C1orf174: variants seen among roughly 807,000 people sequenced by gnomAD.
C1orf174 encodes the protein chromosome 1 open reading frame 174.
In C1orf174, 13 loss-of-function variants were observed where a neutral mutation model predicts 18.4. The observed-to-expected ratio is 0.71, with a 90% confidence interval of 0.46 to 1.12. The LOEUF (loss-of-function observed/expected upper bound fraction) is 1.12. C1orf174 is among the 50% of genes most tolerant of loss of function. The pLI is 0.00. For missense variants in C1orf174, 309 were observed against 308.0 expected (o/e 1.00, Z -0.02); for synonymous variants, 100 against 118.3 (o/e 0.85, Z 1.01).
At chr1:3,892,747 A>T (rs935909295) in intron 2 of C1orf174, 136 bp downstream of exon 2, 11 of 1,473,684 alleles carry the variant, frequency 7.5e-6, no homozygotes, top group Non-Finnish European at 9.0e-6. Context: ...TCACCTTTTC[A>T]TCTGCAATAG....
intron 1 of C1orf174, 85 bp from the exon 2 acceptor site, chr1:3,893,081 C>G (rs920816415): frequency 1.4e-6 from 2 of 1,405,064 alleles, no homozygotes; most frequent in African/African-American, 2.9e-5. Context: ...TAAAGAACAC[C>G]CGAAGACCGC....
At position 3,890,842 on chromosome 1, in the gene C1orf174, C is replaced by A. The variant is rs201743420; in HGVS notation, c.345G>T (p.Gly115=). 1.2e-6 allele frequency: 2 copies of A among 1,613,524 alleles called. No individual in the cohort carries two copies. Among genetic ancestry groups the A allele is most frequent in the East Asian group, 2.2e-5 (1 of 44,878 alleles). Residue 115 remains glycine (G), a synonymous_variant, in exon 3 of 4, where the codon GGG becomes GGT. Coordinates refer to ENST00000361605, the MANE Select transcript of C1orf174 (RefSeq NM_207356.3). ...AGCCACCGAGAGGAAGACTTGCAGC[C>A]CCCTGCTGCACAGAAACGCCAGCCT... ...GSEAGVSVQQ[G]AASLPLGGCR... is the part of the protein sequence containing the mutation.
Position 3,898,043 on chromosome 1 carries a change from C to G in C1orf174, c.15+2129G>C, listed in dbSNP as rs74702268. 8.2e-3 allele frequency among the ~76,000 whole-genome samples: 1,252 copies of G among 152,208 alleles called. 8 individuals carry two copies. Among genetic ancestry groups the G allele is most frequent in the Non-Finnish European group, 0.013 (902 of 68,024 alleles). ...CCACAGACACATCACTGTAAAAATA[C>G]AAAGATCAAAGGCAAAATCTTGAAA... On this transcript the variant is annotated intron_variant, in intron 1 of 3. Coordinates refer to ENST00000361605, the MANE Select transcript of C1orf174 (RefSeq NM_207356.3).
intron 2 of C1orf174, chr1:3,891,976 G>T: frequency 1.4e-5 from 1 of 69,196 alleles, no homozygotes; most frequent in East Asian, 5.0e-4. Context: ...ACACACACGG[G>T]TGGGCGGGTG....
chr1:3,900,270 C>CGCG lies in C1orf174; in HGVS notation c.-85_-84insCGC. The stretch of plus-strand genomic sequence containing the variant: ...GCGACCCGGAGTCTGCAGAGCGCGC[C>CGCG]GCGGCGGCGTCCGACGTCAGCACAG... On this transcript the variant is annotated 5_prime_UTR_variant, in exon 1 of 4. Transcript: ENST00000361605. The CGCG allele has an allele frequency of 7.0e-7, 1 of 1,438,024 alleles. No homozygotes were observed. The highest frequency in any genetic ancestry group is 9.1e-7 in the Non-Finnish European group (1 of 1,104,908). 89.1% of individuals were successfully genotyped at this position (1,438,024 alleles called of 1,614,324 possible).
intron 1 of C1orf174, among the ~76,000 whole-genome samples, chr1:3,894,855 G>C (rs1005472809): frequency 6.6e-6 from 1 of 152,198 alleles, no homozygotes; most frequent in African/African-American, 2.4e-5. Context: ...CACACCGGGG[G>C]CTGCGCCTCC....
chr1:3,890,725 G>A lies in C1orf174; in HGVS notation c.462C>T (p.Asn154=), dbSNP rs777179600. The part of the protein sequence containing the change: ...HSAGSGAEES[N]SSSTVQKQNE... ...TCTGCTTCTGCACAGTGGAGCTGCT[G>A]TTGGATTCTTCTGCTCCGGACCCGG... The change falls in exon 3 of 4, where the codon AAC becomes AAT. Residue 154 remains asparagine, a synonymous_variant. Coordinates refer to ENST00000361605, the MANE Select transcript of C1orf174 (RefSeq NM_207356.3). The A allele has an allele frequency of 2.5e-6, 4 of 1,614,128 alleles. No individual in the cohort carries two copies. Among genetic ancestry groups the A allele is most frequent in the East Asian group, 4.5e-5 (2 of 44,868 alleles).
chr1:3,891,191 T>C, intron 2 of C1orf174, 134 bp from the exon 3 acceptor site: 1 of 1,191,950 alleles, frequency 8.4e-7, no homozygotes, highest in Non-Finnish European at 1.2e-6. Flanking sequence ...AGATCGTCAT[T>C]TCACTGTTTT....
chr1:3,896,595 A>G (rs748518154), intron 1 of C1orf174, among the ~76,000 whole-genome samples: 7 of 152,238 alleles, frequency 4.6e-5, no homozygotes, highest in African/African-American at 1.7e-4. Context: ...GGAGCTGTTC[A>G]AGTACCGTGG....
intron 1 of C1orf174, among the ~76,000 whole-genome samples, chr1:3,899,295 G>GCA (rs1197343552): frequency 6.6e-6 from 1 of 152,200 alleles, no homozygotes; most frequent in Admixed American, 6.5e-5. Context: ...GTGCCTACAG[G>GCA]AGACAAGTTT....
At chr1:3,890,422 T>A in intron 3 of C1orf174, 147 bp downstream of exon 3, 1 of 1,187,838 alleles carries the variant, frequency 8.4e-7, no homozygotes, top group Non-Finnish European at 1.2e-6. Context: ...AGCCAACGGT[T>A]TCATTTTCTC....
In C1orf174 at chr1:3,889,478, GAGGTCAGGAGTTT is replaced by G. The variant is rs1557737514; in HGVS notation, c.*469_*481del. Reference sequence around the variant, plus strand: ...TGGGAGGCTGAGGCGGGCGTATCACGAGGTCAGGAGTTTGAGACCAGCCTGGCCAACGTGGAGA... The same window carrying G: ...TGGGAGGCTGAGGCGGGCGTATCACGGAGACCAGCCTGGCCAACGTGGAGA... On this transcript the variant is annotated 3_prime_UTR_variant, in exon 4 of 4. Coordinates refer to ENST00000361605, the MANE Select transcript of C1orf174 (RefSeq NM_207356.3). 2 of 148,138 alleles carry G rather than the reference GAGGTCAGGAGTTT, an allele frequency of 1.4e-5. No individual in the cohort carries two copies. The highest frequency in any genetic ancestry group is 3.1e-5 in the Non-Finnish European group (2 of 65,428). 9.2% of individuals were successfully genotyped at this position (148,138 alleles called of 1,614,324 possible).
chr1:3,889,960 C>G lies in C1orf174; in HGVS notation c.732G>C (p.Ter244TyrextTer11). The change falls in exon 4 of 4, where the codon TAG becomes TAC. Residue 244 changes from the stop codon to tyrosine, a stop_lost. Transcript: ENST00000361605. ...TCAAGGACATTATTTTGTATGGCCC[C>G]TACATTTCTGCATCATCGTCGTCGT... The part of the protein sequence containing the change: ...DDDDDDDAEM[*>Y] The G allele has an allele frequency of 6.2e-7, 1 of 1,613,420 alleles. No homozygotes were observed. Among genetic ancestry groups the G allele is most frequent in the South Asian group, 1.1e-5 (1 of 91,054 alleles).
chr1:3,891,221 C>A (rs1638504669), intron 2 of C1orf174, 164 bp from the exon 3 acceptor site: 2 of 875,000 alleles, frequency 2.3e-6, no homozygotes, highest in East Asian at 2.6e-5. Context: ...GGACAAAATA[C>A]AAGCGAGACT....
intron 1 of C1orf174, among the ~76,000 whole-genome samples, chr1:3,896,556 C>T (rs993756988): frequency 3.9e-5 from 6 of 152,228 alleles, no homozygotes; most frequent in African/African-American, 1.2e-4. Flanking sequence ...AATTCCCTGC[C>T]ATGGAATGTG....
rs1638689068 is a variant in C1orf174 at position 3,900,255 on chromosome 1, G to A, written c.-69C>T. 3.3e-6 allele frequency: 5 copies of A among 1,499,394 alleles called. No individual in the cohort carries two copies. Among genetic ancestry groups the A allele is most frequent in the Admixed American group, 2.3e-5 (1 of 44,396 alleles). The allele number at this position is 1,499,394 out of a possible 1,614,324, so 92.9% of individuals were successfully genotyped here. ...CGTCCCGGCGGAGCGGCGACCCGGA[G>A]TCTGCAGAGCGCGCCGCGGCGGCGT... On this transcript the variant is annotated 5_prime_UTR_variant, in exon 1 of 4. Transcript: ENST00000361605.
At chr1:3,896,520 GCT>G (rs2124787157) in intron 1 of C1orf174, among the ~76,000 whole-genome samples, 1 of 152,356 alleles carries the variant, frequency 6.6e-6, no homozygotes, top group East Asian at 1.9e-4. Context: ...TAAACAGACA[GCT>G]CTTACACCTG....
intron 2 of C1orf174, 153 bp from the exon 3 acceptor site, chr1:3,891,210 G>T: frequency 1.0e-6 from 1 of 983,232 alleles, no homozygotes; most frequent in Non-Finnish European, 1.5e-6. Flanking sequence ...TTGCCACCAA[G>T]GGACAAAATA....
intron 1 of C1orf174, among the ~76,000 whole-genome samples, chr1:3,896,564 G>A (rs1638608963): frequency 1.3e-5 from 2 of 152,270 alleles, no homozygotes; most frequent in Non-Finnish European, 2.9e-5. Context: ...GCCATGGAAT[G>A]TGGAGAAGTT....
Sources: allele counts gnomAD v4.1 joint callset (sites outside exome capture counted in the v4.1 genomes callset), GRCh38; gene constraint gnomAD v4.1.1; transcripts MANE v1.5; gene names NCBI Gene and HGNC (gene_info 2026-07-23, HGNC 2026-07-21).